The following DYSF variants were observed in gnomAD, a reference collection of about 807,000 sequenced individuals.
DYSF encodes the protein dysferlin.
DYSF carries 212 observed loss-of-function variants against 274.9 expected under a neutral mutation model. The ratio of observed to expected loss-of-function variants is 0.77; its 90% CI spans 0.69 to 0.86. The LOEUF is 0.86. Among genes scored for constraint, DYSF ranks in the 40% least tolerant of loss-of-function variants. DYSF has a pLI of 0.00. For missense variants in DYSF, 2,666 were observed against 2,783.2 expected (o/e 0.96, Z 0.95); for synonymous variants, 1,091 against 1,078.7 (o/e 1.01, Z -0.22).
At position 71,541,974 on chromosome 2, in the gene DYSF, C is replaced by G. The variant is rs1327535945; in HGVS notation, c.1576+2735C>G. 3.9e-5 allele frequency among the ~76,000 whole-genome samples: 6 copies of G among 152,130 alleles called. No individual in the cohort carries two copies. In the East Asian group the frequency reaches 5.8e-4, roughly 15 times the overall value. ...CTGAGACATGATGAATTCTTAAATC[C>G]GAGTTGAGGATTGTTTTTTAAAAAT... On this transcript the variant is annotated intron_variant, in intron 17 of 55. Coordinates refer to ENST00000410020, the MANE Select transcript of DYSF (RefSeq NM_001130987.2).
At chr2:71,483,443 G>A (rs2152685060) in intron 3 of DYSF, among the ~76,000 whole-genome samples, 1 of 152,316 alleles carries the variant, frequency 6.6e-6, no homozygotes, top group African/African-American at 2.4e-5. Context: ...CTTGAAGGCA[G>A]GGGTAGGCTT....
At chr2:71,597,382 C>T (rs2093430384) in intron 32 of DYSF, among the ~76,000 whole-genome samples, 2 of 152,192 alleles carry the variant, frequency 1.3e-5, no homozygotes, top group Admixed American at 6.5e-5. Context: ...TGAAGGGAGT[C>T]CCCTTCTCCA....
rs369171335 is a variant in DYSF at position 71,529,112 on chromosome 2, C to A, written c.1380+711C>A. ...TGCCCCTCTGAGCCCTGGAGGGAGT[C>A]ATTTTCTCTGCACAAACTGCCCCAT... On this transcript the variant is annotated intron_variant, in intron 14 of 55. Coordinates refer to ENST00000410020, the MANE Select transcript of DYSF (RefSeq NM_001130987.2). 4.6e-5 allele frequency among the ~76,000 whole-genome samples: 7 copies of A among 152,366 alleles called. No homozygotes were observed. The East Asian group carries it at 1.3e-3, about 29-fold the overall frequency.
At chr2:71,466,506 G>C (rs530188349), upstream of DYSF, among the ~76,000 whole-genome samples, 49 of 152,278 alleles carry the variant, frequency 3.2e-4, no homozygotes, top group African/African-American at 1.1e-3. Flanking sequence ...GCGCGCCCGC[G>C]TCAGCGGCGC....
At chr2:71,611,385 C>G (rs778360581) in intron 37 of DYSF, 39 bp downstream of exon 37, 1 of 1,613,864 alleles carries the variant, frequency 6.2e-7, no homozygotes, top group Non-Finnish European at 8.5e-7. Context: ...CTGGGAGCAG[C>G]CTGCCCTTCC....
intron 3 of DYSF, among the ~76,000 whole-genome samples, chr2:71,502,079 CTGTGTGTGTGTGTGTG>C (rs71402986): frequency 1.3e-4 from 18 of 143,918 alleles, no homozygotes; most frequent in South Asian, 9.2e-4. Flanking sequence ...CTCCATGACT[CTGTGTGTGTGTGTGTG>C]TGTGTGTGTG....
At chr2:71,554,858 G>A (rs569838629) in intron 21 of DYSF, among the ~76,000 whole-genome samples, 2 of 152,302 alleles carry the variant, frequency 1.3e-5, no homozygotes, top group South Asian at 4.1e-4. Context: ...GGGCAGAGGT[G>A]TAGAGGCTAA....
intron 17 of DYSF, chr2:71,549,199 G>C: frequency 1.4e-6 from 1 of 719,220 alleles, no homozygotes; most frequent in Admixed American, 2.2e-5. Context: ...GCTGGGCAGA[G>C]GGTGGGGCCT....
intron 33 of DYSF, among the ~76,000 whole-genome samples, 189 bp downstream of exon 33, chr2:71,598,934 C>T (rs901665274): frequency 2.6e-5 from 4 of 152,326 alleles, no homozygotes; most frequent in Non-Finnish European, 4.4e-5. Context: ...CCACAGCAGA[C>T]ATTGCTCATC....
At chr2:71,550,443 C>A (rs944162621) in intron 17 of DYSF, among the ~76,000 whole-genome samples, 1 of 151,640 alleles carries the variant, frequency 6.6e-6, no homozygotes, top group Non-Finnish European at 1.5e-5. Context: ...TGGGATAAGG[C>A]AAGGCCGTTA....
chr2:71,665,395 C>A, intron 47 of DYSF, 91 bp downstream of exon 47: 1 of 1,548,336 alleles, frequency 6.5e-7, no homozygotes, highest in Non-Finnish European at 8.9e-7. Context: ...AAGACCCAAG[C>A]GGACATAACC....
At chr2:71,502,951 G>T (rs776038618) in intron 3 of DYSF, among the ~76,000 whole-genome samples, 5 of 152,168 alleles carry the variant, frequency 3.3e-5, no homozygotes, top group Non-Finnish European at 5.9e-5. Context: ...GGAGGGGCAG[G>T]AAGGGGTCAA....
At chr2:71,683,392 G>A (rs1205957455) in intron 55 of DYSF, among the ~76,000 whole-genome samples, 1 of 152,142 alleles carries the variant, frequency 6.6e-6, no homozygotes, top group Non-Finnish European at 1.5e-5. Flanking sequence ...TCCCCAGCCC[G>A]CACAGCTCAT....
rs1482561720 is a variant in DYSF at position 71,503,143 on chromosome 2, G to T, written c.240-71G>T. On this transcript the variant is annotated intron_variant, in intron 3 of 55. Transcript: ENST00000410020. Reference sequence around the variant, plus strand: ...GACCAGCCTCATCTGAGTGGTGGCAGTGAGGGGTCTGGCAGAAGAGCCAGG... The same window carrying T: ...GACCAGCCTCATCTGAGTGGTGGCATTGAGGGGTCTGGCAGAAGAGCCAGG... The T allele has an allele frequency of 1.0e-5, 14 of 1,374,492 alleles. No individual in the cohort carries two copies. In the African/African-American group the frequency reaches 1.9e-4, roughly 18 times the overall value. The allele number at this position is 1,374,492 out of a possible 1,614,324, so 85.1% of individuals were successfully genotyped here.
intron 40 of DYSF, among the ~76,000 whole-genome samples, chr2:71,617,520 A>T (rs1275859198): frequency 6.6e-6 from 1 of 151,752 alleles, no homozygotes; most frequent in Non-Finnish European, 1.5e-5. Flanking sequence ...CTCTGTGTGT[A>T]TGTTTTATGT....
At chr2:71,627,342 A>C (rs1283442773) in intron 41 of DYSF, among the ~76,000 whole-genome samples, 2 of 152,004 alleles carry the variant, frequency 1.3e-5, no homozygotes, top group Non-Finnish European at 2.9e-5. Context: ...TTTGACACCT[A>C]AATTGTCTAA....
At chr2:71,641,310 C>A (rs1164398541) in intron 41 of DYSF, among the ~76,000 whole-genome samples, 1 of 151,184 alleles carries the variant, frequency 6.6e-6, no homozygotes, top group East Asian at 1.9e-4. Context: ...TCCCGAGTAG[C>A]TGGGACTACA....
At chr2:71,669,937 G>A (rs2095089476) in intron 51 of DYSF, among the ~76,000 whole-genome samples, 191 bp downstream of exon 51, 1 of 152,120 alleles carries the variant, frequency 6.6e-6, no homozygotes, top group South Asian at 2.1e-4. Flanking sequence ...CACCACTGCT[G>A]TCTCAGCATT....
intron 36 of DYSF, among the ~76,000 whole-genome samples, chr2:71,604,756 G>C (rs751744097): frequency 1.3e-5 from 2 of 152,358 alleles, no homozygotes; most frequent in East Asian, 3.9e-4. Flanking sequence ...CCAAGCCACA[G>C]TGCCTGTGAA....
Sources: allele counts gnomAD v4.1 joint callset (sites outside exome capture counted in the v4.1 genomes callset), GRCh38; gene constraint gnomAD v4.1.1; transcripts MANE v1.5; gene names NCBI Gene and HGNC (gene_info 2026-07-23, HGNC 2026-07-21).